ZNF784: variants seen among roughly 807,000 people sequenced by gnomAD.
ZNF784 encodes the protein zinc finger protein 784.
Under a neutral mutation model 3.3 loss-of-function variants are expected in ZNF784, and 5 were observed. That is an observed-to-expected ratio of 1.53 (90% CI 0.80 to 3.22). ZNF784 has a LOEUF of 3.22. Ranked by LOEUF, ZNF784 falls within the 30% of genes most tolerant of loss-of-function variation. The pLI is 0.00. For missense variants in ZNF784, 501 were observed against 480.7 expected (o/e 1.04, Z -0.39); for synonymous variants, 231 against 219.6 (o/e 1.05, Z -0.46).
Position 55,621,361 on chromosome 19 carries a change from C to G in ZNF784, c.*390G>C. 1 of 319,328 alleles carries G rather than the reference C, an allele frequency of 3.1e-6. No individual in the cohort carries two copies. The highest frequency in any genetic ancestry group is 6.0e-6 in the Non-Finnish European group (1 of 167,404). 19.8% of individuals were successfully genotyped at this position (319,328 alleles called of 1,614,324 possible). On this transcript the variant is annotated 3_prime_UTR_variant, in exon 2 of 2. Coordinates refer to ENST00000325351, the MANE Select transcript of ZNF784 (RefSeq NM_203374.2). The surrounding 1 kb of genome is among the most constrained non-coding windows in gnomAD (Gnocchi z 4.1). ...AGACTATGGTGGACCCCAATTCCCC[C>G]CTTCCATTCGATCCTGGCTCCTCCT...
At position 55,622,268 on chromosome 19, in the gene ZNF784, C is replaced by A; in HGVS notation, c.455G>T (p.Gly152Val). 1 of 1,534,634 alleles carries A rather than the reference C, an allele frequency of 6.5e-7. No homozygotes were observed. The highest frequency in any genetic ancestry group is 8.7e-7 in the Non-Finnish European group (1 of 1,143,976). Residue 152 changes from glycine (G) to valine (V), a missense_variant, in exon 2 of 2, where the codon GGG (glycine) becomes GTG (valine). Coordinates refer to ENST00000325351, the MANE Select transcript of ZNF784 (RefSeq NM_203374.2). This position sits in a 1 kb window ranked among gnomAD's most constrained non-coding sequence, Gnocchi z 5.9. ...CCTCCGAGAGGTGCCCGGCTCCACC[C>A]CGTGCCGGTGCTGGTGCCGGAGCAG... ...APLLRHQHRH[G>V]VEPGTSRRPP...
At position 55,621,561 on chromosome 19, in the gene ZNF784, G is replaced by C. The variant is rs1166854862; in HGVS notation, c.*190C>G. The C allele has an allele frequency of 1.3e-6, 1 of 748,216 alleles. No homozygotes were observed. Among genetic ancestry groups the C allele is most frequent in the Non-Finnish European group, 2.1e-6 (1 of 468,024 alleles). The allele number at this position is 748,216 out of a possible 1,614,324, so 46.3% of individuals were successfully genotyped here. A position where few individuals can be genotyped will look rare whatever the true frequency, so the allele number is the denominator to read the frequency against. On this transcript the variant is annotated 3_prime_UTR_variant, in exon 2 of 2. Coordinates refer to ENST00000325351, the MANE Select transcript of ZNF784 (RefSeq NM_203374.2). This position sits in a 1 kb window ranked among gnomAD's most constrained non-coding sequence, Gnocchi z 4.1. The stretch of plus-strand genomic sequence containing the variant: ...GGCCTGGCAGAGGTGCTGTGTGGGC[G>C]TGTGGGAGTCTGGAGCCTGGCCCTC...
chr19:55,623,547 A>T (rs1175693988), intron 1 of ZNF784, among the ~76,000 whole-genome samples: 2 of 152,216 alleles, frequency 1.3e-5, no homozygotes, highest in African/African-American at 4.8e-5. Flanking sequence ...TGTAAATCAG[A>T]TCAAGTCATT....
Position 55,621,810 on chromosome 19 carries a change from C to G in ZNF784, c.913G>C (p.Asp305His). ...TCCCCCCGCCCCTCCTCCGCAGGGT[C>G]CCCTACCCCACACCCGCTCCCCGAC... ...EGSGSGCGVG[D>H]PAEEGRGETA... is the part of the protein sequence containing the mutation. Residue 305 changes from aspartate to histidine, a missense_variant, in exon 2 of 2, where the codon GAC (aspartate) becomes CAC (histidine). Transcript: ENST00000325351. This position sits in a 1 kb window ranked among gnomAD's most constrained non-coding sequence, Gnocchi z 4.1. 1 of 1,559,840 alleles carries G rather than the reference C, an allele frequency of 6.4e-7. No homozygotes were observed. The highest frequency in any genetic ancestry group is 8.6e-7 in the Non-Finnish European group (1 of 1,156,164).
In ZNF784 at chr19:55,620,949, A is replaced by C. The variant is rs1441978929; in HGVS notation, c.*802T>G. 2 of 152,586 alleles carry C rather than the reference A, an allele frequency of 1.3e-5. No homozygotes were observed. The highest frequency in any genetic ancestry group is 4.8e-5 in the African/African-American group (2 of 41,442). 9.5% of individuals were successfully genotyped at this position (152,586 alleles called of 1,614,324 possible). ...ACTGGGAGTGGAGGAAATTAGAGAA[A>C]CCTGAGGCTACCTTGAGGCTTGTGG... On this transcript the variant is annotated 3_prime_UTR_variant, in exon 2 of 2. Transcript: ENST00000325351.
At position 55,621,622 on chromosome 19, in the gene ZNF784, TC is replaced by T. The variant is rs1981552794; in HGVS notation, c.*128del. 8.0e-7 allele frequency: 1 copy of T among 1,255,126 alleles called. No homozygotes were observed. The highest frequency in any genetic ancestry group is 2.2e-5 in the Admixed American group (1 of 45,264). 77.7% of individuals were successfully genotyped at this position (1,255,126 alleles called of 1,614,324 possible). ...CTCCATCACTAGCGGCTCACAACCA[TC>T]CCTGCAGCTGTCATCTCTCCCCCAA... On this transcript the variant is annotated 3_prime_UTR_variant, in exon 2 of 2. Coordinates refer to ENST00000325351, the MANE Select transcript of ZNF784 (RefSeq NM_203374.2). The surrounding 1 kb of genome is among the most constrained non-coding windows in gnomAD (Gnocchi z 4.1).
Position 55,622,198 on chromosome 19 carries a change from G to T in ZNF784, c.525C>A (p.Ala175=). 1 of 1,533,704 alleles carries T rather than the reference G, an allele frequency of 6.5e-7. No individual in the cohort carries two copies. The highest frequency in any genetic ancestry group is 1.2e-5 in the South Asian group (1 of 83,828). ...AAVAEQRPGV[A]PERAEVVMAA... is the part of the protein sequence containing the mutation. ...CCATCACCACCTCCGCCCTCTCCGG[G>T]GCCACCCCGGGCCTCTGTTCTGCAA... Residue 175 remains alanine (A), a synonymous_variant, in exon 2 of 2, where the codon GCC becomes GCA. Coordinates refer to ENST00000325351, the MANE Select transcript of ZNF784 (RefSeq NM_203374.2). The surrounding 1 kb of genome is among the most constrained non-coding windows in gnomAD (Gnocchi z 5.9).
intron 1 of ZNF784, 42 bp downstream of exon 1, chr19:55,624,442 C>T (rs764568087): frequency 2.0e-6 from 3 of 1,523,796 alleles, no homozygotes; most frequent in Non-Finnish European, 2.7e-6. Flanking sequence ...ACGACCTCCT[C>T]CCACCTCGAG....
rs1240192571 is a variant in ZNF784, at chr19:55,622,696, C to A, written c.79-52G>T. The A allele has an allele frequency of 7.2e-7, 1 of 1,397,342 alleles. No homozygotes were observed. Among genetic ancestry groups the A allele is most frequent in the South Asian group, 1.6e-5 (1 of 64,422 alleles). The allele number at this position is 1,397,342 out of a possible 1,614,324, so 86.6% of individuals were successfully genotyped here. A position where few individuals can be genotyped will look rare whatever the true frequency, so the allele number is the denominator to read the frequency against. ...CCTGTGGAACCTGCCTCAGGACCGC[C>A]CCAGCACGCCCCAATTATTAAAGCT... On this transcript the variant is annotated intron_variant, in intron 1 of 1. Transcript: ENST00000325351. This position sits in a 1 kb window ranked among gnomAD's most constrained non-coding sequence, Gnocchi z 5.9.
chr19:55,622,353 T>A lies in ZNF784; in HGVS notation c.370A>T (p.Thr124Ser), dbSNP rs1054359625. 2.0e-6 allele frequency: 3 copies of A among 1,520,666 alleles called. No individual in the cohort carries two copies. Among genetic ancestry groups the A allele is most frequent in the Middle Eastern group, 1.8e-4 (1 of 5,630 alleles). The allele number at this position is 1,520,666 out of a possible 1,614,324, so 94.2% of individuals were successfully genotyped here. Residue 124 changes from threonine (T) to serine (S), a missense_variant, in exon 2 of 2, where the codon ACG becomes TCG. Coordinates refer to ENST00000325351, the MANE Select transcript of ZNF784 (RefSeq NM_203374.2). This position sits in a 1 kb window ranked among gnomAD's most constrained non-coding sequence, Gnocchi z 5.9. Reference protein sequence around the residue: ...ASLRAHYSLHTGERPYRCALC... With the variant: ...ASLRAHYSLHSGERPYRCALC... ...GCGCAGCGGTAGGGCCGCTCCCCCG[T>A]GTGCAAGCTGTAGTGCGCGCGCAGG...
In ZNF784 at chr19:55,622,204, C is replaced by G. The variant is rs1387825410; in HGVS notation, c.519G>C (p.Gly173=). The G allele has an allele frequency of 1.3e-6, 2 of 1,534,168 alleles. No homozygotes were observed. The highest frequency in any genetic ancestry group is 1.4e-5 in the African/African-American group (1 of 72,946). Residue 173 remains glycine, a synonymous_variant, in exon 2 of 2, where the codon GGG becomes GGC. Transcript: ENST00000325351. This position sits in a 1 kb window ranked among gnomAD's most constrained non-coding sequence, Gnocchi z 5.9. ...DTAAVAEQRP[G]VAPERAEVVM... is the part of the protein sequence containing the mutation. ...CCACCTCCGCCCTCTCCGGGGCCAC[C>G]CCGGGCCTCTGTTCTGCAACGGCCG...
rs186276397 is a variant in ZNF784 at position 55,621,675 on chromosome 19, G to A, written c.*76C>T. Reference sequence around the variant, plus strand: ...CTCCCCTCTTCTGTCCCCTGCCTCCGTTTCCCCACCCCGTCCCCCTCCCCG... The same window carrying A: ...CTCCCCTCTTCTGTCCCCTGCCTCCATTTCCCCACCCCGTCCCCCTCCCCG... On this transcript the variant is annotated 3_prime_UTR_variant, in exon 2 of 2. Coordinates refer to ENST00000325351, the MANE Select transcript of ZNF784 (RefSeq NM_203374.2). The surrounding 1 kb of genome is among the most constrained non-coding windows in gnomAD (Gnocchi z 4.1). The A allele has an allele frequency of 2.6e-6, 4 of 1,510,892 alleles. No homozygotes were observed. In the African/African-American group the frequency reaches 4.1e-5, roughly 16 times the overall value. The allele number at this position is 1,510,892 out of a possible 1,614,324, so 93.6% of individuals were successfully genotyped here.
At position 55,621,976 on chromosome 19, in the gene ZNF784, C is replaced by G; in HGVS notation, c.747G>C (p.Glu249Asp). 1.3e-6 allele frequency: 2 copies of G among 1,595,052 alleles called. No homozygotes were observed. The highest frequency in any genetic ancestry group is 1.7e-6 in the Non-Finnish European group (2 of 1,177,844). The change falls in exon 2 of 2, where the codon GAG becomes GAC. Residue 249 changes from glutamate (E) to aspartate (D), a missense_variant. By Grantham distance (45) the Glu-to-Asp change is conservative. Coordinates refer to ENST00000325351, the MANE Select transcript of ZNF784 (RefSeq NM_203374.2). This position sits in a 1 kb window ranked among gnomAD's most constrained non-coding sequence, Gnocchi z 4.1. ...CGCAGAGCGTGCAGCGGAACGGGCG[C>G]TCGCCAGTGTGGATGCGGGCGTGGC... ...LSGHARIHTGERPFRCTLCDR... is the reference protein window; with the variant it reads ...LSGHARIHTGDRPFRCTLCDR...
At position 55,622,323 on chromosome 19, in the gene ZNF784, A is replaced by G. The variant is rs1397414377; in HGVS notation, c.400T>C (p.Cys134Arg). ...GCCAAGGCCTTGAAGGCGCGGGGGC[A>G]GAGCGCGCAGCGGTAGGGCCGCTCC... The part of the protein sequence containing the change: ...TGERPYRCAL[C>R]PRAFKALAPL... Residue 134 changes from cysteine to arginine, a missense_variant, in exon 2 of 2, where the codon TGC becomes CGC. Cys to Arg is a radical substitution (Grantham distance 180). Coordinates refer to ENST00000325351, the MANE Select transcript of ZNF784 (RefSeq NM_203374.2). The surrounding 1 kb of genome is among the most constrained non-coding windows in gnomAD (Gnocchi z 5.9). The G allele has an allele frequency of 4.6e-6, 7 of 1,512,872 alleles. No individual in the cohort carries two copies. In the South Asian group the frequency reaches 7.5e-5, roughly 16 times the overall value. 93.7% of individuals were successfully genotyped at this position (1,512,872 alleles called of 1,614,324 possible).
Position 55,622,433 on chromosome 19 carries a change from C to T in ZNF784, c.290G>A (p.Gly97Asp). ...CACGTGGCACCGGCTCGGGTCCCCA[C>T]CCTGCCCGCCTCCCTCGGCCCCAGC... ...HLAGAEGGGQ[G>D]GDPSRCHVCG... Residue 97 changes from glycine (G) to aspartate (D), a missense_variant, in exon 2 of 2, where the codon GGT (glycine) becomes GAT (aspartate). Physicochemically the swap from Gly to Asp is moderately conservative, Grantham distance 94. Coordinates refer to ENST00000325351, the MANE Select transcript of ZNF784 (RefSeq NM_203374.2). The surrounding 1 kb of genome is among the most constrained non-coding windows in gnomAD (Gnocchi z 5.9). The T allele has an allele frequency of 6.3e-7, 1 of 1,596,074 alleles. No individual in the cohort carries two copies. Among genetic ancestry groups the T allele is most frequent in the Non-Finnish European group, 8.5e-7 (1 of 1,171,974 alleles).
Position 55,622,848 on chromosome 19 carries a change from A to G in ZNF784, c.79-204T>C, listed in dbSNP as rs1981621331. 6.6e-6 allele frequency among the ~76,000 whole-genome samples: 1 copy of G among 151,636 alleles called. No individual in the cohort carries two copies. Among genetic ancestry groups the G allele is most frequent in the East Asian group, 2.0e-4 (1 of 5,074 alleles). ...TTCATCTCCCTGAGTAGCTGGGATT[A>G]CAGGCATGCACCACCACATCCAGCT... On this transcript the variant is annotated intron_variant, in intron 1 of 1. Transcript: ENST00000325351. The surrounding 1 kb of genome is among the most constrained non-coding windows in gnomAD (Gnocchi z 5.9).
chr19:55,624,532 A>ACTCTGGGC lies in ZNF784; in HGVS notation c.22_29dup (p.Ser10ArgfsTer42), dbSNP rs759996124. ...GCGACTCCGGAGTCGGTGAGCTCCG[A>ACTCTGGGC]CTCTGGGCCTCTGGGCGCGCAGCGG... On this transcript the variant is annotated frameshift_variant, in exon 1 of 2. Transcript: ENST00000325351. LOFTEE classifies it low-confidence loss of function (END_TRUNC). 5 of 1,595,618 alleles carry ACTCTGGGC rather than the reference A, an allele frequency of 3.1e-6. No homozygotes were observed. In the Admixed American group the frequency reaches 5.1e-5, roughly 16 times the overall value.
intron 1 of ZNF784, 161 bp downstream of exon 1, chr19:55,624,323 G>T: frequency 1.8e-5 from 1 of 54,208 alleles, no homozygotes; most frequent in South Asian, 4.5e-4. Flanking sequence ...CTCCTCCCCT[G>T]CCCCGCCCCT....
rs1204589208 is a variant in ZNF784, at chr19:55,622,238, G to A, written c.485C>T (p.Pro162Leu). Residue 162 changes from proline (P) to leucine (L), a missense_variant, in exon 2 of 2, where the codon CCG becomes CTG. Pro to Leu is a moderately conservative substitution (Grantham distance 98). Transcript: ENST00000325351. This position sits in a 1 kb window ranked among gnomAD's most constrained non-coding sequence, Gnocchi z 5.9. ...GVEPGTSRRP[P>L]DTAAVAEQRP... ...CTGTTCTGCAACGGCCGCTGTGTCC[G>A]GAGGCCTCCGAGAGGTGCCCGGCTC... is the stretch of plus-strand genomic sequence containing the variant. The A allele has an allele frequency of 3.3e-6, 5 of 1,535,816 alleles. No homozygotes were observed. In the East Asian group the frequency reaches 9.8e-5, roughly 30 times the overall value.
Sources: allele counts gnomAD v4.1 joint callset (sites outside exome capture counted in the v4.1 genomes callset), GRCh38; gene constraint gnomAD v4.1.1; non-coding constraint Gnocchi (gnomAD v3.1); transcripts MANE v1.5; gene names NCBI Gene and HGNC (gene_info 2026-07-23, HGNC 2026-07-21).